The following TAFA5 variants were observed in gnomAD, a reference collection of about 807,000 sequenced individuals.
The protein encoded by TAFA5 is TAFA chemokine like family member 5.
TAFA5 carries 6 observed loss-of-function variants against 15.3 expected under a neutral mutation model. That is an observed-to-expected ratio of 0.39 (90% CI 0.21 to 0.77). The LOEUF is 0.77. Ranked by LOEUF, TAFA5 falls within the 30% of genes least tolerant of loss-of-function variation. TAFA5 has a pLI of 0.41. For missense variants in TAFA5, 161 were observed against 193.1 expected (o/e 0.83, Z 0.98); for synonymous variants, 103 against 80.7 (o/e 1.28, Z -1.48).
rs1924856377 is a variant in TAFA5 at position 48,598,685 on chromosome 22, CATTTA to C, written c.113-47908_113-47904del. On this transcript the variant is annotated intron_variant, in intron 1 of 3. Coordinates refer to ENST00000402357, the MANE Select transcript of TAFA5 (RefSeq NM_001082967.3). The surrounding 1 kb of genome is among the most constrained non-coding windows in gnomAD (Gnocchi z 4.0). ...TCCAGACACCAAATGAATATCTGGC[CATTTA>C]ATTAAATTGTCCTCCAATTTAATTC... 6.6e-6 allele frequency among the ~76,000 whole-genome samples: 1 copy of C among 152,134 alleles called. No homozygotes were observed. Among genetic ancestry groups the C allele is most frequent in the African/African-American group, 2.4e-5 (1 of 41,422 alleles).
intron 1 of TAFA5, among the ~76,000 whole-genome samples, chr22:48,529,990 T>C (rs2147112215): frequency 6.6e-6 from 1 of 152,202 alleles, no homozygotes; most frequent in Non-Finnish European, 1.5e-5. Flanking sequence ...AGCTCATGGA[T>C]GCAGGGGCTG....
At chr22:48,636,532 G>A (rs1460729205) in intron 1 of TAFA5, among the ~76,000 whole-genome samples, 2 of 19,298 alleles carry the variant, frequency 1.0e-4, no homozygotes, top group Admixed American at 6.0e-4. Flanking sequence ...AGTCAGAGCA[G>A]AGCTACCTGT....
At chr22:48,638,436 A>G (rs76577938) in intron 1 of TAFA5, among the ~76,000 whole-genome samples, 760 of 42,976 alleles carry the variant, frequency 0.018, 6 homozygotes, top group Admixed American at 0.046. Flanking sequence ...GCACACAGGC[A>G]GCACCCCTCC....
At chr22:48,693,056 CT>C (rs202219322) in intron 2 of TAFA5, among the ~76,000 whole-genome samples, 2,374 of 152,376 alleles carry the variant, frequency 0.016, 25 homozygotes, top group South Asian at 0.024. Context: ...GTCAAGGGCA[CT>C]TACTCAGGCC....
In TAFA5 at chr22:48,549,471, A is replaced by C. The variant is rs547337869; in HGVS notation, c.112+59767A>C. 1.1e-3 allele frequency among the ~76,000 whole-genome samples: 172 copies of C among 152,366 alleles called. 1 individual carries two copies. Among genetic ancestry groups the C allele is most frequent in the African/African-American group, 4.1e-3 (169 of 41,588 alleles). On this transcript the variant is annotated intron_variant, in intron 1 of 3. Transcript: ENST00000402357. ...GCAAATGATTCTGCATGCATTCCAG[A>C]AAGTGGCCCTAATTTGAATTTAAAT...
intron 1 of TAFA5, among the ~76,000 whole-genome samples, chr22:48,575,664 C>T (rs1443029316): frequency 1.4e-5 from 2 of 146,338 alleles, no homozygotes; most frequent in African/African-American, 4.9e-5. Context: ...CGCGGTGGGC[C>T]CGGACCTAGT....
intron 1 of TAFA5, among the ~76,000 whole-genome samples, chr22:48,573,539 C>T (rs1210298808): frequency 6.6e-6 from 1 of 152,178 alleles, no homozygotes; most frequent in African/African-American, 2.4e-5. Flanking sequence ...TCTTCGGAAG[C>T]CCTACACGAG....
In TAFA5 at chr22:48,731,431, C is replaced by T. The variant is rs113066341; in HGVS notation, c.391-18408C>T. On this transcript the variant is annotated intron_variant, in intron 3 of 3. Coordinates refer to ENST00000402357, the MANE Select transcript of TAFA5 (RefSeq NM_001082967.3). ...GAAAGAGCCTTCTATTGCAAGAAGA[C>T]GCCCACTGTGGGATTTCCCACTAGA... 5.4e-3 allele frequency among the ~76,000 whole-genome samples: 818 copies of T among 152,330 alleles called. 8 individuals are homozygous for T. Among genetic ancestry groups the T allele is most frequent in the African/African-American group, 0.016 (684 of 41,572 alleles).
At chr22:48,653,083 T>G (rs1240971560) in intron 2 of TAFA5, among the ~76,000 whole-genome samples, 4 of 152,166 alleles carry the variant, frequency 2.6e-5, no homozygotes, top group African/African-American at 9.7e-5. Flanking sequence ...CACATACATC[T>G]CCGCGCAGAC....
chr22:48,565,300 G>A (rs1465158353), intron 1 of TAFA5, among the ~76,000 whole-genome samples: 1 of 152,222 alleles, frequency 6.6e-6, no homozygotes, highest in Admixed American at 6.5e-5. Flanking sequence ...GATGGGAAGT[G>A]GCCCTCCTAG....
intron 3 of TAFA5, among the ~76,000 whole-genome samples, chr22:48,715,302 C>CAA (rs1276177086): frequency 4.6e-5 from 7 of 152,188 alleles, no homozygotes; most frequent in Admixed American, 3.3e-4. Flanking sequence ...GGGAGAGAAA[C>CAA]AAAACCAGAA....
intron 1 of TAFA5, among the ~76,000 whole-genome samples, chr22:48,631,503 C>T (rs1352765007): frequency 3.9e-5 from 6 of 152,228 alleles, no homozygotes; most frequent in Admixed American, 6.5e-5. Context: ...GCAGCATCCT[C>T]ACGACTGCTG....
chr22:48,595,178 C>T (rs537654361), intron 1 of TAFA5, among the ~76,000 whole-genome samples: 3 of 152,268 alleles, frequency 2.0e-5, no homozygotes, highest in South Asian at 4.1e-4. Flanking sequence ...AATTGGGGCC[C>T]GCCAGTGGCA....
chr22:48,721,338 G>T (rs963061386), intron 3 of TAFA5, among the ~76,000 whole-genome samples: 1 of 152,138 alleles, frequency 6.6e-6, no homozygotes. Flanking sequence ...CGTCCCGCCC[G>T]CTGCGTGTGA....
chr22:48,613,972 C>T (rs865886003), intron 1 of TAFA5, among the ~76,000 whole-genome samples: 1 of 152,220 alleles, frequency 6.6e-6, no homozygotes, highest in Non-Finnish European at 1.5e-5. Context: ...GCGGCCCCTG[C>T]GAGATGGGAT....
At chr22:48,614,008 G>A (rs1434696149) in intron 1 of TAFA5, among the ~76,000 whole-genome samples, 1 of 152,188 alleles carries the variant, frequency 6.6e-6, no homozygotes, top group Non-Finnish European at 1.5e-5. Flanking sequence ...AGCCGCTCGC[G>A]AGCATGTGGG....
intron 3 of TAFA5, among the ~76,000 whole-genome samples, chr22:48,725,906 A>T (rs933940839): frequency 2.6e-5 from 4 of 152,136 alleles, no homozygotes; most frequent in Non-Finnish European, 2.9e-5. Context: ...AAAGAAAGTT[A>T]CTCGAGCTGG....
intron 1 of TAFA5, among the ~76,000 whole-genome samples, chr22:48,607,809 A>G (rs1601611964): frequency 6.6e-6 from 1 of 152,152 alleles, no homozygotes; most frequent in Non-Finnish European, 1.5e-5. Flanking sequence ...TAAAAAAAAC[A>G]AAAACAAAAA....
chr22:48,670,495 A>G (rs1433666990), intron 2 of TAFA5, among the ~76,000 whole-genome samples: 1 of 152,230 alleles, frequency 6.6e-6, no homozygotes, highest in Admixed American at 6.5e-5. Flanking sequence ...GCTCAGACTC[A>G]GGAGAGCTGC....
Sources: allele counts gnomAD v4.1 joint callset (sites outside exome capture counted in the v4.1 genomes callset), GRCh38; gene constraint gnomAD v4.1.1; non-coding constraint Gnocchi (gnomAD v3.1); transcripts MANE v1.5; gene names NCBI Gene and HGNC (gene_info 2026-07-23, HGNC 2026-07-21).